The following CCDC14 variants were observed in gnomAD, a reference collection of about 807,000 sequenced individuals.
CCDC14 encodes coiled-coil domain-containing protein 14.
CCDC14 carries 71 observed loss-of-function variants against 81.4 expected under a neutral mutation model. That is an observed-to-expected ratio of 0.87 (90% CI 0.72 to 1.06). CCDC14 has a LOEUF of 1.06. CCDC14 is among the 50% of genes least tolerant of loss of function. The probability of loss-of-function intolerance (pLI) is 0.00; values close to 1 mark genes in which losing one functional copy is unlikely to be tolerated. For missense variants in CCDC14, 1,046 were observed against 1,047.3 expected (o/e 1.00, Z 0.02); for synonymous variants, 332 against 364.8 (o/e 0.91, Z 1.03).
chr3:123,934,270 C>CAAAAAAAAAAAAAAAAAAAAAA (rs61094944), intron 9 of CCDC14, among the ~76,000 whole-genome samples: 3 of 52,276 alleles, frequency 5.7e-5, no homozygotes, highest in African/African-American at 1.7e-4. Flanking sequence ...GACTCTGCCT[C>CAAAAAAAAAAAAAAAAAAAAAA]AAAAAAAAAA....
intron 5 of CCDC14, chr3:123,953,777 C>T (rs534959968): frequency 2.0e-5 from 3 of 152,180 alleles, no homozygotes; most frequent in South Asian, 2.1e-4. Context: ...CTCAAGGTAG[C>T]GTATTCTATA....
chr3:123,904,878 A>C (rs888464849), intron 5 of CCDC14, among the ~76,000 whole-genome samples: 5 of 152,192 alleles, frequency 3.3e-5, no homozygotes, highest in African/African-American at 9.6e-5. Flanking sequence ...AGAAGAGTAA[A>C]GGCCCAAGCA....
At chr3:123,923,135 C>T (rs1413754774) in intron 12 of CCDC14, among the ~76,000 whole-genome samples, 2 of 152,092 alleles carry the variant, frequency 1.3e-5, no homozygotes, top group South Asian at 2.1e-4. Context: ...CGTATAAAAC[C>T]GATGAATGTG....
chr3:123,892,251 C>T, the CCDC14 span, among the ~76,000 whole-genome samples: 1 of 152,182 alleles, frequency 6.6e-6, no homozygotes, highest in East Asian at 1.9e-4. Flanking sequence ...AGGCCCAACA[C>T]AACATGGAAG....
rs2034219162 is a variant in CCDC14, at chr3:123,903,323, C to A, written c.668-5710G>T. On this transcript the variant is annotated intron_variant, in intron 5 of 5. Coordinates refer to the CCDC14 transcript ENST00000479903. The stretch of plus-strand genomic sequence containing the variant: ...ACACACACACACACACACACACACA[C>A]ACACACACACACACACACACGACAA... Among the ~76,000 whole-genome samples the A allele has an allele frequency of 2.8e-5, 4 of 143,932 alleles. No homozygotes were observed. The South Asian group carries it at 8.5e-4, about 31-fold the overall frequency. 94.4% of individuals were successfully genotyped at this position (143,932 alleles called of 152,430 possible).
intron 5 of CCDC14, among the ~76,000 whole-genome samples, chr3:123,903,635 G>T (rs191719735): frequency 6.6e-6 from 1 of 152,172 alleles, no homozygotes; most frequent in South Asian, 2.1e-4. Context: ...TGGTAGACTG[G>T]CCCACTCTCT....
intron 12 of CCDC14, among the ~76,000 whole-genome samples, chr3:123,916,586 C>T (rs979181764): frequency 6.6e-6 from 1 of 151,126 alleles, no homozygotes; most frequent in Non-Finnish European, 1.5e-5. Flanking sequence ...AGGTGTATAA[C>T]GAAAACCACA....
chr3:123,927,085 T>C (rs1239279184), intron 12 of CCDC14, among the ~76,000 whole-genome samples: 1 of 152,090 alleles, frequency 6.6e-6, no homozygotes, highest in Non-Finnish European at 1.5e-5. Flanking sequence ...TAGATATAAT[T>C]AAGCTCAGAG....
chr3:123,915,477 T>C lies in CCDC14; in HGVS notation c.2020A>G (p.Lys674Glu). The change falls in exon 13 of 13, where the codon AAA becomes GAA. Residue 674 changes from lysine (K) to glutamate (E), a missense_variant. Transcript: ENST00000409697. ...IKNEETIEPD[K>E]TYENVLSSRG... is the part of the protein sequence containing the mutation. ...GAGGACAGAACATTTTCATAGGTTT[T>C]GTCTGGCTCTATGGTTTCCTCATTT... 1 of 1,614,014 alleles carries C rather than the reference T, an allele frequency of 6.2e-7. No homozygotes were observed. Among genetic ancestry groups the C allele is most frequent in the Non-Finnish European group, 8.5e-7 (1 of 1,179,878 alleles).
intron 9 of CCDC14, among the ~76,000 whole-genome samples, chr3:123,934,565 T>C (rs1346720329): frequency 1.3e-5 from 2 of 152,170 alleles, no homozygotes. Context: ...TTTTATTAGA[T>C]GGAAAAGTTA....
At chr3:123,960,995 T>G in intron 1 of CCDC14, 149 bp downstream of exon 1, 6 of 665,624 alleles carry the variant, frequency 9.0e-6, no homozygotes, top group Non-Finnish European at 1.5e-5. Flanking sequence ...ACGGGAAGAT[T>G]AGGTGTTCCC....
intron 9 of CCDC14, among the ~76,000 whole-genome samples, chr3:123,944,413 T>C (rs1201228974): frequency 2.0e-5 from 3 of 152,068 alleles, no homozygotes; most frequent in African/African-American, 7.2e-5. Context: ...AGACAACACA[T>C]ACTGAGACAG....
At chr3:123,916,656 G>A (rs2034719132) in intron 12 of CCDC14, among the ~76,000 whole-genome samples, 1 of 152,032 alleles carries the variant, frequency 6.6e-6, no homozygotes, top group Admixed American at 6.5e-5. Context: ...GTGATCTTGG[G>A]CAAGTCATTT....
the CCDC14 span, among the ~76,000 whole-genome samples, chr3:123,887,643 C>G: frequency 4.8e-4 from 73 of 152,242 alleles, no homozygotes; most frequent in African/African-American, 1.8e-3. Flanking sequence ...CCTAGATGCC[C>G]AAATAACTTT....
chr3:123,940,285 CTTTA>C (rs531603424), intron 9 of CCDC14, among the ~76,000 whole-genome samples: 69 of 151,412 alleles, frequency 4.6e-4, no homozygotes, highest in African/African-American at 1.6e-3. Context: ...AATTTTTTTG[CTTTA>C]TTTTTCTGAG....
At chr3:123,936,047 T>C (rs577263077) in intron 9 of CCDC14, among the ~76,000 whole-genome samples, 2 of 152,160 alleles carry the variant, frequency 1.3e-5, no homozygotes, top group South Asian at 4.2e-4. Flanking sequence ...TCCCTTTATC[T>C]TCTGTATCTG....
intron 5 of CCDC14, chr3:123,954,121 G>A (rs1212622762): frequency 6.6e-6 from 1 of 152,128 alleles, no homozygotes; most frequent in Non-Finnish European, 1.5e-5. Context: ...AGGTGCCCTG[G>A]ATAAGAAATA....
rs532208816 is a variant in CCDC14, at chr3:123,956,740, G to A, written c.86C>T (p.Ala29Val). 6.8e-5 allele frequency: 105 copies of A among 1,546,194 alleles called. No individual in the cohort carries two copies. In the South Asian group the frequency reaches 1.0e-3, roughly 15 times the overall value. Reference sequence around the variant, plus strand: ...GTTGTAAACGTCTTCAAGTACTTACGCTTTCTTTCCATTTGTTAATTTAGC... The same window carrying A: ...GTTGTAAACGTCTTCAAGTACTTACACTTTCTTTCCATTTGTTAATTTAGC... ...GPAKLTNGKK[A>V]TYLRKIPRFN... The change falls in exon 2 of 13, where the codon GCG (alanine) becomes GTG (valine). Residue 29 changes from alanine (A) to valine (V), a missense_variant and splice_region_variant. Coordinates refer to ENST00000409697, the MANE Select transcript of CCDC14 (RefSeq NM_001366335.1).
At position 123,947,164 on chromosome 3, in the gene CCDC14, T is replaced by A; in HGVS notation, c.840A>T (p.Gln280His). The change falls in exon 8 of 13, where the codon CAA becomes CAT. Residue 280 changes from glutamine to histidine, a missense_variant. Transcript: ENST00000409697. The part of the protein sequence containing the change: ...TDISAIPTLQ[Q>H]LGLVNGILPQ... Reference sequence around the variant, plus strand: ...GCAGAATTCCATTAACAAGGCCCAGTTGCTGCAATGTTGGAATAGCTGATA... The same window carrying A: ...GCAGAATTCCATTAACAAGGCCCAGATGCTGCAATGTTGGAATAGCTGATA... The A allele has an allele frequency of 6.2e-7, 1 of 1,613,980 alleles. No individual in the cohort carries two copies. Among genetic ancestry groups the A allele is most frequent in the Non-Finnish European group, 8.5e-7 (1 of 1,179,870 alleles).
Sources: allele counts gnomAD v4.1 joint callset (sites outside exome capture counted in the v4.1 genomes callset), GRCh38; gene constraint gnomAD v4.1.1; transcripts MANE v1.5; gene names NCBI Gene and HGNC (gene_info 2026-07-23, HGNC 2026-07-21).